DACH2: variants seen among roughly 807,000 people sequenced by gnomAD.
DACH2 encodes dachshund family transcription factor 2, also known as dachshund homolog 2.
Under a neutral mutation model 35.8 loss-of-function variants are expected in DACH2, and 17 were observed. The observed-to-expected ratio is 0.48, with a 90% CI of 0.33 to 0.71. The LOEUF is 0.71. Ranked by LOEUF, DACH2 falls within the 30% of genes least tolerant of loss-of-function variation. The pLI is 0.02. For missense variants in DACH2, 469 were observed against 472.7 expected, an observed-to-expected ratio of 0.99 and a Z score of 0.07; for synonymous variants, 195 against 177.3, an observed-to-expected ratio of 1.10 and a Z score of -0.79.
intron 7 of DACH2, among the ~76,000 whole-genome samples, chrX:86,810,982 T>G (rs2042389904): frequency 8.9e-6 from 1 of 112,071 alleles, no homozygotes; most frequent in Admixed American, 9.5e-5. Context: ...GAACAAAATA[T>G]TGTTTTCAAA....
At chrX:86,520,267 G>A (rs1460214574) in intron 3 of DACH2, among the ~76,000 whole-genome samples, 5 of 111,777 alleles carry the variant, frequency 4.5e-5, no homozygotes, top group Non-Finnish European at 9.4e-5. Flanking sequence ...TGGTCCAAGA[G>A]TGTGTTTTGT....
chrX:86,396,086 G>C (rs1377154842), intron 2 of DACH2, among the ~76,000 whole-genome samples: 1 of 111,814 alleles, frequency 8.9e-6, no homozygotes, highest in African/African-American at 3.3e-5. Flanking sequence ...CATTCTAACT[G>C]GTGTGAGATG....
chrX:86,462,800 G>A (rs1365161940), intron 2 of DACH2, among the ~76,000 whole-genome samples: 1 of 110,858 alleles, frequency 9.0e-6, no homozygotes, highest in Non-Finnish European at 1.9e-5. Context: ...GGAAGTCATG[G>A]CAAGATAAAA....
intron 1 of DACH2, among the ~76,000 whole-genome samples, chrX:86,336,492 A>T (rs1437468893): frequency 3.6e-5 from 4 of 111,788 alleles, no homozygotes; most frequent in Non-Finnish European, 7.5e-5. Flanking sequence ...GCAGACCTGC[A>T]GCAGATGGGC....
intron 2 of DACH2, among the ~76,000 whole-genome samples, chrX:86,455,114 G>A (rs2037451627): frequency 9.0e-6 from 1 of 110,593 alleles, no homozygotes; most frequent in Admixed American, 9.7e-5. Context: ...CACCAGTGAA[G>A]GCTGTGAAAG....
At chrX:86,688,610 C>A (rs1301018322) in intron 4 of DACH2, among the ~76,000 whole-genome samples, 1 of 111,972 alleles carries the variant, frequency 8.9e-6, no homozygotes, top group Non-Finnish European at 1.9e-5. Context: ...ATGTTAAGTA[C>A]TCAAAAATTT....
chrX:86,365,493 T>C (rs1053223030), intron 1 of DACH2, among the ~76,000 whole-genome samples: 1 of 111,683 alleles, frequency 9.0e-6, no homozygotes, highest in African/African-American at 3.2e-5. Context: ...ATAAAAAGTA[T>C]TACAATCAAA....
intron 4 of DACH2, among the ~76,000 whole-genome samples, chrX:86,676,367 A>G (rs2040825095): frequency 8.9e-6 from 1 of 111,880 alleles, no homozygotes; most frequent in African/African-American, 3.2e-5. Flanking sequence ...AAATTGAAGG[A>G]ATTCTGAATC....
At chrX:86,349,100 C>G (rs868599039) in intron 1 of DACH2, among the ~76,000 whole-genome samples, 1 of 112,019 alleles carries the variant, frequency 8.9e-6, no homozygotes, top group Admixed American at 9.4e-5. Flanking sequence ...CCTTGGTGTA[C>G]CAGAAGAATT....
chrX:86,189,402 C>A (rs189387401), intron 1 of DACH2, among the ~76,000 whole-genome samples: 3 of 111,466 alleles, frequency 2.7e-5, no homozygotes, highest in African/African-American at 9.8e-5. Flanking sequence ...CTTCATCAAC[C>A]GTGTCAGTGA....
chrX:86,518,554 C>T (rs756768625), intron 3 of DACH2, among the ~76,000 whole-genome samples: 8 of 111,853 alleles, frequency 7.2e-5, no homozygotes, highest in Non-Finnish European at 1.1e-4. Context: ...AATTTGCTTA[C>T]GTCTTCTCTG....
chrX:86,395,592 G>A (rs1042058158), intron 2 of DACH2, among the ~76,000 whole-genome samples: 4 of 110,212 alleles, frequency 3.6e-5, no homozygotes, highest in African/African-American at 1.3e-4. Flanking sequence ...CTGTGTCCAA[G>A]TGTTCTCATT....
intron 2 of DACH2, among the ~76,000 whole-genome samples, chrX:86,506,127 C>T (rs2038319734): frequency 1.8e-5 from 2 of 111,685 alleles, no homozygotes; most frequent in Non-Finnish European, 3.8e-5. Flanking sequence ...GGGTTTTCTT[C>T]TAGGGTCTTA....
intron 1 of DACH2, among the ~76,000 whole-genome samples, chrX:86,276,628 T>C (rs1272000165): frequency 8.9e-6 from 1 of 111,773 alleles, no homozygotes; most frequent in African/African-American, 3.3e-5. Flanking sequence ...CTGGAGATTT[T>C]CCCCAATGTT....
intron 1 of DACH2, among the ~76,000 whole-genome samples, chrX:86,298,401 GT>G (rs1264738323): frequency 8.9e-6 from 1 of 111,816 alleles, no homozygotes; most frequent in East Asian, 2.8e-4. Flanking sequence ...GAATATTGTA[GT>G]TAATAGAGGC....
intron 7 of DACH2, among the ~76,000 whole-genome samples, chrX:86,784,968 G>C (rs753043971): frequency 1.8e-5 from 2 of 110,742 alleles, no homozygotes; most frequent in Non-Finnish European, 3.8e-5. Context: ...AGACACCAGT[G>C]CCTGCTAGAG....
At chrX:86,159,606 C>A (rs755322154) in intron 1 of DACH2, among the ~76,000 whole-genome samples, 1 of 111,671 alleles carries the variant, frequency 9.0e-6, no homozygotes, top group African/African-American at 3.2e-5. Context: ...TGATATTTTC[C>A]AATTCAATTC....
rs1556004270 is a variant in DACH2, at chrX:86,254,781, A to ATATATATATATATATATAT, written c.488+105673_488+105674insTATATATATATATATATAT. Among the ~76,000 whole-genome samples, 13 of 22,589 alleles carry ATATATATATATATATATAT rather than the reference A, an allele frequency of 5.8e-4. 3 individuals are homozygous for ATATATATATATATATATAT. Among genetic ancestry groups the ATATATATATATATATATAT allele is most frequent in the East Asian group, 1.6e-3 (1 of 623 alleles). 19.6% of individuals were successfully genotyped at this position (22,589 alleles called of 115,157 possible). On this transcript the variant is annotated intron_variant, in intron 1 of 11. Transcript: ENST00000373125. ...GTGTGGGGTGTTATTCAAATAAATA[A>ATATATATATATATATATAT]ATATATATATATATATATATATATA...
chrX:86,372,993 A>C (rs1282732283), intron 1 of DACH2, among the ~76,000 whole-genome samples: 5 of 111,069 alleles, frequency 4.5e-5, no homozygotes, highest in African/African-American at 1.6e-4. Context: ...TGTTGCTGCA[A>C]AGGACATGAT....
Sources: allele counts gnomAD v4.1 joint callset (sites outside exome capture counted in the v4.1 genomes callset), GRCh38; gene constraint gnomAD v4.1.1; transcripts MANE v1.5; gene names NCBI Gene and HGNC (gene_info 2026-07-23, HGNC 2026-07-21).